Variants in ACACB observed in about 807,000 individuals in gnomAD.
ACACB encodes the protein acetyl-CoA carboxylase beta, also known as acetyl-CoA carboxylase 2.
ACACB carries 209 observed loss-of-function variants against 278.8 expected under a neutral mutation model. The observed-to-expected ratio is 0.75, with a 90% CI of 0.67 to 0.84. ACACB has a LOEUF of 0.84. Among genes scored for constraint, ACACB ranks in the 40% least tolerant of loss-of-function variants. ACACB has a pLI of 0.00. For missense variants in ACACB, 2,850 were observed against 3,269.0 expected (o/e 0.87, Z 3.13); for synonymous variants, 1,174 against 1,285.6 (o/e 0.91, Z 1.86).
In ACACB at chr12:109,210,088, TAC is replaced by T. The variant is rs1278966757; in HGVS notation, c.3249+741_3249+742del. 1.1e-4 allele frequency among the ~76,000 whole-genome samples: 13 copies of T among 120,474 alleles called. 1 individual carries two copies. Among genetic ancestry groups the T allele is most frequent in the African/African-American group, 2.8e-4 (8 of 28,648 alleles). 79.0% of individuals were successfully genotyped at this position (120,474 alleles called of 152,430 possible). A position where few individuals can be genotyped will look rare whatever the true frequency, so the allele number is the denominator to read the frequency against. ...GTATATATGTGTATATATGTATATATACACACATGTGTGTGTATATGTATATA... is the reference window on the plus strand; with the variant it reads ...GTATATATGTGTATATATGTATATATACACATGTGTGTGTATATGTATATA... On this transcript the variant is annotated intron_variant, in intron 21 of 52. Transcript: ENST00000338432.
intron 24 of ACACB, among the ~76,000 whole-genome samples, chr12:109,217,777 G>T (rs941534195): frequency 3.3e-5 from 5 of 152,136 alleles, no homozygotes; most frequent in Non-Finnish European, 7.4e-5. Flanking sequence ...TCCAGCCTGG[G>T]TGACAGAATG....
In ACACB at chr12:109,266,486, A is replaced by C; in HGVS notation, c.*124A>C. 7.9e-7 allele frequency: 1 copy of C among 1,270,108 alleles called. No individual in the cohort carries two copies. Among genetic ancestry groups the C allele is most frequent in the Non-Finnish European group, 1.0e-6 (1 of 962,908 alleles). 78.7% of individuals were successfully genotyped at this position (1,270,108 alleles called of 1,614,324 possible). On this transcript the variant is annotated 3_prime_UTR_variant, in exon 53 of 53. Transcript: ENST00000338432. ...CAAAGAAAATCCTGGGCACTTCTGC[A>C]GGGCTGCTGGTTCCGAGCTGACACC...
Position 109,232,676 on chromosome 12 carries a change from G to A in ACACB, c.4009G>A (p.Val1337Met), listed in dbSNP as rs371118054. 9.2e-5 allele frequency: 149 copies of A among 1,613,646 alleles called. No homozygotes were observed. Among genetic ancestry groups the A allele is most frequent in the Non-Finnish European group, 1.2e-4 (139 of 1,179,844 alleles). ...CTTGCCATCACCTTACAGGATGACC[G>A]TGCCCATCAGCATCACCAACCCTGA... ...LPSSHPNRMT[V>M]PISITNPDLL... is the part of the protein sequence containing the mutation. The change falls in exon 29 of 53, where the codon GTG (valine) becomes ATG (methionine). Residue 1337 changes from valine to methionine, a missense_variant. Transcript: ENST00000338432.
At chr12:109,252,816 A>C (rs2047130873) in intron 42 of ACACB, among the ~76,000 whole-genome samples, 199 bp from the exon 43 acceptor site, 2 of 152,220 alleles carry the variant, frequency 1.3e-5, no homozygotes, top group South Asian at 4.1e-4. Context: ...AGAAACTAAA[A>C]AACAAACAAA....
chr12:109,259,151 A>C, intron 47 of ACACB, 43 bp downstream of exon 47: 2 of 1,607,062 alleles, frequency 1.2e-6, no homozygotes, highest in Non-Finnish European at 8.5e-7. Flanking sequence ...CCTTGGGGTC[A>C]GCACCCAGGA....
intron 2 of ACACB, among the ~76,000 whole-genome samples, chr12:109,161,654 G>A (rs1202648866): frequency 6.6e-6 from 1 of 152,084 alleles, no homozygotes; most frequent in Admixed American, 6.5e-5. Flanking sequence ...CAACCTAAGT[G>A]TCCACCAACA....
chr12:109,141,347 A>T (rs959657273), intron 2 of ACACB, among the ~76,000 whole-genome samples: 5 of 152,268 alleles, frequency 3.3e-5, no homozygotes, highest in African/African-American at 9.6e-5. Context: ...AACAGGTGGG[A>T]CTATCCCAGC....
At chr12:109,189,941 T>C (rs2136273888) in intron 13 of ACACB, among the ~76,000 whole-genome samples, 1 of 152,118 alleles carries the variant, frequency 6.6e-6, no homozygotes, top group East Asian at 1.9e-4. Context: ...CGAAACCCCG[T>C]GTCTACTAAA....
At position 109,254,342 on chromosome 12, in the gene ACACB, C is replaced by G. The variant is rs1298323581; in HGVS notation, c.6166+8C>G. On this transcript the variant is annotated splice_region_variant and intron_variant, in intron 44 of 52. Coordinates refer to ENST00000338432, the MANE Select transcript of ACACB (RefSeq NM_001093.4). ...CAGGAAGGCCTCACCCAAGTAAGTT[C>G]TAAAGTATTTTGCCTAGGACCTGGT... 2 of 1,604,254 alleles carry G rather than the reference C, an allele frequency of 1.2e-6. No homozygotes were observed. The highest frequency in any genetic ancestry group is 1.7e-6 in the Non-Finnish European group (2 of 1,178,596).
intron 1 of ACACB, among the ~76,000 whole-genome samples, chr12:109,132,512 G>A (rs1045132516): frequency 6.6e-6 from 1 of 152,138 alleles, no homozygotes; most frequent in African/African-American, 2.4e-5. Context: ...TGAGGGTCTT[G>A]GGAGCTTGAA....
chr12:109,176,413 G>T (rs552319153), intron 9 of ACACB, 150 bp downstream of exon 9: 2 of 718,708 alleles, frequency 2.8e-6, no homozygotes, highest in Non-Finnish European at 2.3e-6. Flanking sequence ...CAACAAACGC[G>T]TACATTTTTA....
rs1487797108 is a variant in ACACB at position 109,139,719 on chromosome 12, C to T, written c.314C>T (p.Ser105Phe). ...CAGAAGCCCCCAAGAAACCCCCTTT[C>T]TTCCAGTGACGCAGCACCCTCCCCA... ...SHQKPPRNPL[S>F]SSDAAPSPEL... The change falls in exon 2 of 53, where the codon TCT becomes TTT. Residue 105 changes from serine to phenylalanine, a missense_variant. Ser to Phe is a radical substitution (Grantham distance 155, BLOSUM62 -2). Coordinates refer to ENST00000338432, the MANE Select transcript of ACACB (RefSeq NM_001093.4). 1.2e-6 allele frequency: 2 copies of T among 1,614,030 alleles called. No individual in the cohort carries two copies. The highest frequency in any genetic ancestry group is 3.3e-5 in the Admixed American group (2 of 59,972).
intron 12 of ACACB, 141 bp downstream of exon 12, chr12:109,185,881 G>T: frequency 1.4e-6 from 1 of 711,696 alleles, no homozygotes; most frequent in Non-Finnish European, 2.2e-6. Context: ...GCATGGGAAG[G>T]GACATCCCAT....
At chr12:109,265,358 C>T (rs2047488909) in intron 51 of ACACB, 31 bp from the exon 52 acceptor site, 2 of 1,612,032 alleles carry the variant, frequency 1.2e-6, no homozygotes, top group Non-Finnish European at 1.7e-6. Flanking sequence ...AGCTGGGTCC[C>T]TCTCTGAGGC....
Position 109,135,808 on chromosome 12 carries a change from CTT to C in ACACB, c.-9-3571_-9-3570del, listed in dbSNP as rs59597788. 3.7e-3 allele frequency among the ~76,000 whole-genome samples: 429 copies of C among 117,242 alleles called. 2 individuals carry two copies. Among genetic ancestry groups the C allele is most frequent in the Middle Eastern group, 0.014 (3 of 210 alleles). The allele number at this position is 117,242 out of a possible 152,430, so 76.9% of individuals were successfully genotyped here. A position where few individuals can be genotyped will look rare whatever the true frequency, so the allele number is the denominator to read the frequency against. On this transcript the variant is annotated intron_variant, in intron 1 of 52. Coordinates refer to ENST00000338432, the MANE Select transcript of ACACB (RefSeq NM_001093.4). Reference sequence around the variant, plus strand: ...ACCATGTGGTGTTAAAGAGGTAATACTTTTTTTTTTTTTTTTTTTGAGACGGA... The same window carrying C: ...ACCATGTGGTGTTAAAGAGGTAATACTTTTTTTTTTTTTTTTTGAGACGGA...
intron 1 of ACACB, among the ~76,000 whole-genome samples, chr12:109,138,872 A>C (rs1482427521): frequency 2.0e-5 from 3 of 152,032 alleles, no homozygotes; most frequent in Admixed American, 6.6e-5. Context: ...AAACAAAAAA[A>C]CCCCAGCTTT....
chr12:109,224,532 T>TTTTTTATTA (rs369539136), intron 27 of ACACB, among the ~76,000 whole-genome samples: 1 of 149,892 alleles, frequency 6.7e-6, no homozygotes, highest in African/African-American at 2.5e-5. Context: ...AATCTGCTCT[T>TTTTTTATTA]TTATTATTAT....
At chr12:109,137,902 T>TC (rs2043007699) in intron 1 of ACACB, among the ~76,000 whole-genome samples, 1 of 151,108 alleles carries the variant, frequency 6.6e-6, no homozygotes, top group South Asian at 2.1e-4. Flanking sequence ...TCTTTTTCTT[T>TC]TTTTTTTTGT....
chr12:109,151,585 T>C (rs1014336368), intron 2 of ACACB, among the ~76,000 whole-genome samples: 8 of 152,234 alleles, frequency 5.3e-5, no homozygotes, highest in Admixed American at 1.3e-4. Flanking sequence ...CTTAAGGTCA[T>C]CCGTGAGGGG....
Sources: gnomAD v4.1 joint callset for allele counts (sites outside exome capture counted in the v4.1 genomes callset) on GRCh38, gnomAD v4.1.1 for gene constraint, MANE v1.5 for transcripts, NCBI Gene and HGNC (gene_info 2026-07-23, HGNC 2026-07-21) for gene names.